CABP1: variants seen among roughly 807,000 people sequenced by gnomAD.
CABP1 encodes calcium-binding protein 1.
Under a neutral mutation model 34.3 loss-of-function variants are expected in CABP1, and 17 were observed. The ratio of observed to expected loss-of-function variants is 0.50; its 90% CI spans 0.34 to 0.74. CABP1 has a LOEUF of 0.74. Among genes scored for constraint, CABP1 ranks in the 30% least tolerant of loss-of-function variants. CABP1 has a pLI of 0.01. For missense variants in CABP1, 373 were observed against 511.1 expected (o/e 0.73, Z 2.61); for synonymous variants, 198 against 229.2 (o/e 0.86, Z 1.23).
Position 120,659,924 on chromosome 12 carries a change from T to A in CABP1, c.685+16T>A. The A allele has an allele frequency of 6.2e-7, 1 of 1,613,240 alleles. No individual in the cohort carries two copies. Among genetic ancestry groups the A allele is most frequent in the Non-Finnish European group, 8.5e-7 (1 of 1,179,434 alleles). On this transcript the variant is annotated intron_variant, in intron 2 of 5. Coordinates refer to ENST00000316803, the MANE Select transcript of CABP1 (RefSeq NM_001033677.2). ...GAAATTGAAGGTAAAACTTGGCCCC[T>A]TGGGGGAAAGGACTGCCTAGCCCTC... is the stretch of plus-strand genomic sequence containing the variant.
Position 120,656,342 on chromosome 12 carries a change from G to A in CABP1, c.655-3536G>A, listed in dbSNP as rs1880215447. 6 of 1,414,116 alleles carry A rather than the reference G, an allele frequency of 4.2e-6. No homozygotes were observed. In the South Asian group the frequency reaches 8.8e-5, roughly 21 times the overall value. 87.6% of individuals were successfully genotyped at this position (1,414,116 alleles called of 1,614,324 possible). On this transcript the variant is annotated intron_variant, in intron 1 of 5. Coordinates refer to ENST00000316803, the MANE Select transcript of CABP1 (RefSeq NM_001033677.2). ...GGGCGTGAGGAGGTGCTGGGATGAA[G>A]AAGGGGTCTATACAGAGCTCACACC...
intron 1 of CABP1, among the ~76,000 whole-genome samples, chr12:120,644,964 C>A (rs1879482860): frequency 6.6e-6 from 1 of 152,174 alleles, no homozygotes; most frequent in African/African-American, 2.4e-5. Flanking sequence ...GCCACCGCAC[C>A]TGGCTAATTT....
chr12:120,679,578 A>G, the CABP1 span, among the ~76,000 whole-genome samples: 1 of 152,214 alleles, frequency 6.6e-6, no homozygotes, highest in Admixed American at 6.5e-5. Flanking sequence ...CTGTAATCTC[A>G]GCACTTTGAG....
chr12:120,674,886 C>T, the CABP1 span, among the ~76,000 whole-genome samples: 1 of 149,914 alleles, frequency 6.7e-6, no homozygotes, highest in Admixed American at 6.6e-5. Flanking sequence ...GAGAGACTCT[C>T]TCTGCCAACA....
chr12:120,673,008 C>T, the CABP1 span, among the ~76,000 whole-genome samples: 27 of 150,752 alleles, frequency 1.8e-4, no homozygotes, highest in African/African-American at 5.8e-4. Flanking sequence ...CCAGCCTGGG[C>T]GATACAGCAA....
chr12:120,656,123 G>A, intron 1 of CABP1: 1 of 1,614,212 alleles, frequency 6.2e-7, no homozygotes. Flanking sequence ...CAGCTACATG[G>A]TGGTGCAGAC....
chr12:120,665,901 C>A (rs1340655605), intron 5 of CABP1, among the ~76,000 whole-genome samples: 1 of 151,440 alleles, frequency 6.6e-6, no homozygotes, highest in African/African-American at 2.4e-5. Flanking sequence ...GCTCCTGGTC[C>A]CAGCTACTTG....
intron 1 of CABP1, among the ~76,000 whole-genome samples, chr12:120,648,481 C>T (rs574389355): frequency 1.2e-4 from 18 of 152,262 alleles, no homozygotes; most frequent in Non-Finnish European, 2.4e-4. Context: ...AGTAGCTATT[C>T]GGTGTCTTAC....
At chr12:120,674,754 G>A in the CABP1 span, among the ~76,000 whole-genome samples, 2 of 152,058 alleles carry the variant, frequency 1.3e-5, no homozygotes, top group Admixed American at 1.3e-4. Context: ...AGCTGGGCAT[G>A]GTGGTGCGCA....
At chr12:120,656,065 T>C (rs1281493736) in intron 1 of CABP1, 1 of 1,613,916 alleles carries the variant, frequency 6.2e-7, no homozygotes, top group South Asian at 1.1e-5. Context: ...CCTGCCTCTC[T>C]TTTGCATTTG....
At chr12:120,646,079 G>C (rs531743793) in intron 1 of CABP1, among the ~76,000 whole-genome samples, 1 of 152,292 alleles carries the variant, frequency 6.6e-6, no homozygotes, top group South Asian at 2.1e-4. Flanking sequence ...TAGGTGGCAG[G>C]ACTGTGCTGA....
chr12:120,648,614 C>T (rs1209982057), intron 1 of CABP1, among the ~76,000 whole-genome samples: 1 of 152,142 alleles, frequency 6.6e-6, no homozygotes, highest in African/African-American at 2.4e-5. Context: ...GGCATGGTGT[C>T]TCATGTCTGT....
At chr12:120,671,405 T>TCTTG (rs1881248289), downstream of CABP1, among the ~76,000 whole-genome samples, 1 of 152,124 alleles carries the variant, frequency 6.6e-6, no homozygotes, top group African/African-American at 2.4e-5. Flanking sequence ...AACCACTATT[T>TCTTG]CTGGTCTGGG....
At chr12:120,672,740 C>T in the CABP1 span, among the ~76,000 whole-genome samples, 2 of 149,228 alleles carry the variant, frequency 1.3e-5, no homozygotes, top group Non-Finnish European at 1.5e-5. Context: ...ACAAAGAAAC[C>T]CAAGGGAGGC....
intron 1 of CABP1, among the ~76,000 whole-genome samples, chr12:120,647,458 A>G (rs529810351): frequency 6.7e-6 from 1 of 150,352 alleles, no homozygotes; most frequent in East Asian, 2.0e-4. Context: ...CCTGGGCTCA[A>G]TGATCCTCCT....
chr12:120,653,490 C>A (rs1879976909), intron 1 of CABP1, among the ~76,000 whole-genome samples: 1 of 152,184 alleles, frequency 6.6e-6, no homozygotes, highest in African/African-American at 2.4e-5. Context: ...CCAAAGCCAG[C>A]AGGCTAAACT....
chr12:120,640,989 C>A lies in CABP1; in HGVS notation c.304C>A (p.Pro102Thr). 8.6e-7 allele frequency: 1 copy of A among 1,157,832 alleles called. No individual in the cohort carries two copies. The highest frequency in any genetic ancestry group is 1.1e-6 in the Non-Finnish European group (1 of 940,706). 71.7% of individuals were successfully genotyped at this position (1,157,832 alleles called of 1,614,324 possible). A position where few individuals can be genotyped will look rare whatever the true frequency, so the allele number is the denominator to read the frequency against. Residue 102 changes from proline to threonine, a missense_variant, in exon 1 of 6, where the codon CCC (proline) becomes ACC (threonine). By Grantham distance (38) the Pro-to-Thr change is conservative. Around this residue, in one of 4 missense-constraint regions of CABP1, gnomAD observed 134 missense variants for 145.4 expected, o/e 0.92. Transcript: ENST00000316803. This position sits in a 1 kb window ranked among gnomAD's most constrained non-coding sequence, Gnocchi z 6.2. ...CCCGGGGCTGCCTAGCCGCCGGCTA[C>A]CCGGCTCCTGCCCGGCGACGCCGCA... The part of the protein sequence containing the change: ...RDPGLPSRRL[P>T]GSCPATPQSS...
intron 1 of CABP1, chr12:120,655,928 C>G: frequency 1.3e-6 from 2 of 1,537,676 alleles, no homozygotes; most frequent in Non-Finnish European, 1.7e-6. Context: ...GAGACTCTGT[C>G]TGTTGGACCA....
At position 120,641,580 on chromosome 12, in the gene CABP1, C is replaced by T. The variant is rs1436272002; in HGVS notation, c.654+241C>T. 5.2e-6 allele frequency: 2 copies of T among 387,552 alleles called. No individual in the cohort carries two copies. The highest frequency in any genetic ancestry group is 9.0e-6 in the Non-Finnish European group (2 of 222,594). 24.0% of individuals were successfully genotyped at this position (387,552 alleles called of 1,614,324 possible). On this transcript the variant is annotated intron_variant, in intron 1 of 5. Coordinates refer to ENST00000316803, the MANE Select transcript of CABP1 (RefSeq NM_001033677.2). The surrounding 1 kb of genome is among the most constrained non-coding windows in gnomAD (Gnocchi z 6.7). ...GGGCAAGGCCCTCCCCGCTAGCCTC[C>T]CTCATACCCGCCAGAACCCGCCAGT...
Sources: allele counts gnomAD v4.1 joint callset (sites outside exome capture counted in the v4.1 genomes callset), GRCh38; gene constraint gnomAD v4.1.1; regional missense constraint gnomAD v4.1.1; non-coding constraint Gnocchi (gnomAD v3.1); transcripts MANE v1.5; gene names NCBI Gene and HGNC (gene_info 2026-07-23, HGNC 2026-07-21).